Variants in FGGY observed in about 807,000 individuals in gnomAD.
FGGY encodes FGGY carbohydrate kinase domain containing, also known as FGGY carbohydrate kinase domain-containing protein.
FGGY carries 72 observed loss-of-function variants against 71.3 expected under a neutral mutation model. The ratio of observed to expected loss-of-function variants is 1.01; its 90% confidence interval spans 0.84 to 1.23. The LOEUF (loss-of-function observed/expected upper bound fraction) is 1.23, where lower values mean the gene tolerates loss of function less well. Among genes scored for constraint, FGGY ranks in the 50% most tolerant of loss-of-function variants. The pLI is 0.00. For missense variants in FGGY, 668 were observed against 682.3 expected (o/e 0.98, Z 0.23); for synonymous variants, 251 against 250.3 (o/e 1.00, Z -0.02).
At chr1:59,494,956 TAC>T (rs2093986339) in intron 6 of FGGY, among the ~76,000 whole-genome samples, 1 of 152,176 alleles carries the variant, frequency 6.6e-6, no homozygotes, top group Non-Finnish European at 1.5e-5. Flanking sequence ...TGAATGAATT[TAC>T]ATTCACACCA....
At chr1:59,512,069 T>C (rs1276089265) in intron 6 of FGGY, among the ~76,000 whole-genome samples, 2 of 152,216 alleles carry the variant, frequency 1.3e-5, no homozygotes, top group Admixed American at 6.5e-5. Context: ...AATCTTTATC[T>C]GGTTTGAATG....
At chr1:59,659,222 G>C (rs1297126012) in intron 11 of FGGY, among the ~76,000 whole-genome samples, 2 of 152,122 alleles carry the variant, frequency 1.3e-5, no homozygotes, top group East Asian at 3.8e-4. Flanking sequence ...GGGTTCCCAA[G>C]TTTCCTGGTT....
At chr1:59,568,689 C>T (rs142464006) in intron 8 of FGGY, among the ~76,000 whole-genome samples, 3 of 152,242 alleles carry the variant, frequency 2.0e-5, no homozygotes, top group East Asian at 1.9e-4. Flanking sequence ...TCCTCCACCA[C>T]GTTTAATAGA....
intron 10 of FGGY, among the ~76,000 whole-genome samples, chr1:59,635,986 A>G (rs1041920513): frequency 6.6e-5 from 10 of 152,184 alleles, no homozygotes; most frequent in African/African-American, 2.4e-4. Context: ...TACCTCCCCA[A>G]CTGGGCAGTG....
At chr1:59,392,012 G>A (rs2060754196) in intron 5 of FGGY, among the ~76,000 whole-genome samples, 1 of 152,116 alleles carries the variant, frequency 6.6e-6, no homozygotes, top group Non-Finnish European at 1.5e-5. Flanking sequence ...GTTTCATTCT[G>A]AGGGTGAAGC....
chr1:59,699,685 T>C lies in FGGY; in HGVS notation c.1512+25552T>C, dbSNP rs140107061. ...CTGAACTTGGAGTAACATACAGTAT[T>C]CTAGCAGATTTTTAAAGTTATTGAT... is the stretch of plus-strand genomic sequence containing the variant. On this transcript the variant is annotated intron_variant, in intron 14 of 15. Coordinates refer to ENST00000303721, the MANE Select transcript of FGGY (RefSeq NM_018291.5). Among the ~76,000 whole-genome samples, 6 of 152,324 alleles carry C rather than the reference T, an allele frequency of 3.9e-5. No individual in the cohort carries two copies. The East Asian group carries it at 1.2e-3, about 29-fold the overall frequency.
At chr1:59,565,158 T>C (rs1229256334) in intron 8 of FGGY, among the ~76,000 whole-genome samples, 2 of 152,148 alleles carry the variant, frequency 1.3e-5, no homozygotes, top group Non-Finnish European at 2.9e-5. Context: ...TATCATGGTC[T>C]ATTTGGATTT....
At chr1:59,644,901 C>G (rs963095794) in intron 11 of FGGY, among the ~76,000 whole-genome samples, 1 of 151,592 alleles carries the variant, frequency 6.6e-6, no homozygotes, top group African/African-American at 2.4e-5. Flanking sequence ...CGCTTGAACC[C>G]AGGAGGCAGA....
intron 14 of FGGY, among the ~76,000 whole-genome samples, chr1:59,746,809 A>G (rs1212589464): frequency 6.6e-6 from 1 of 152,168 alleles, no homozygotes; most frequent in East Asian, 1.9e-4. Context: ...TTCCATTTTT[A>G]AAATGAGGAA....
At chr1:59,590,416 T>G (rs954433752) in intron 8 of FGGY, among the ~76,000 whole-genome samples, 2 of 151,964 alleles carry the variant, frequency 1.3e-5, no homozygotes, top group Non-Finnish European at 2.9e-5. Flanking sequence ...GAAAAAGAGG[T>G]TATCCTCCCT....
At chr1:59,315,892 A>G (rs1472835373) in intron 1 of FGGY, among the ~76,000 whole-genome samples, 1 of 152,220 alleles carries the variant, frequency 6.6e-6, no homozygotes, top group African/African-American at 2.4e-5. Context: ...AGAACTGAAG[A>G]GGAGGCCTTA....
intron 8 of FGGY, among the ~76,000 whole-genome samples, chr1:59,596,800 T>C (rs574720226): frequency 6.6e-6 from 1 of 152,306 alleles, no homozygotes; most frequent in South Asian, 2.1e-4. Flanking sequence ...CTGGCACATG[T>C]ACCGCCGTGT....
At chr1:59,742,200 A>G (rs924455134) in intron 14 of FGGY, among the ~76,000 whole-genome samples, 3 of 152,176 alleles carry the variant, frequency 2.0e-5, no homozygotes, top group Non-Finnish European at 4.4e-5. Flanking sequence ...CCTCACTACC[A>G]TGATTTTTCT....
intron 15 of FGGY, among the ~76,000 whole-genome samples, chr1:59,761,338 C>G (rs1385443028): frequency 6.6e-6 from 1 of 152,160 alleles, no homozygotes; most frequent in Non-Finnish European, 1.5e-5. Flanking sequence ...GGGACTCCTA[C>G]TAACATAGCT....
intron 5 of FGGY, among the ~76,000 whole-genome samples, chr1:59,411,714 T>C (rs975314243): frequency 8.5e-5 from 13 of 152,246 alleles, no homozygotes; most frequent in South Asian, 2.1e-4. Context: ...ATTCTTATTT[T>C]ATTGTCTGGA....
At chr1:59,627,475 TATATATATATATATACAC>T (rs1260803236) in intron 10 of FGGY, among the ~76,000 whole-genome samples, 46 of 131,036 alleles carry the variant, frequency 3.5e-4, no homozygotes, top group African/African-American at 1.4e-3. Flanking sequence ...TATATATATA[TATATATATATATATACAC>T]ACACACACAC....
intron 7 of FGGY, among the ~76,000 whole-genome samples, chr1:59,535,603 G>T (rs889920400): frequency 5.3e-5 from 8 of 151,726 alleles, no homozygotes; most frequent in Non-Finnish European, 8.8e-5. Flanking sequence ...CTCAGCAAAT[G>T]TAAAAGAACA....
At chr1:59,571,189 A>G (rs999731254) in intron 8 of FGGY, among the ~76,000 whole-genome samples, 12 of 152,234 alleles carry the variant, frequency 7.9e-5, no homozygotes, top group African/African-American at 2.7e-4. Flanking sequence ...AATAATTAAT[A>G]GGATACGATC....
intron 14 of FGGY, chr1:59,699,130 A>G: frequency 1.0e-6 from 1 of 985,392 alleles, no homozygotes; most frequent in Non-Finnish European, 1.2e-6. Context: ...TCTTGATTAT[A>G]AAACAAATTA....
Sources: allele counts gnomAD v4.1 joint callset (sites outside exome capture counted in the v4.1 genomes callset), GRCh38; gene constraint gnomAD v4.1.1; transcripts MANE v1.5; gene names NCBI Gene and HGNC (gene_info 2026-07-23, HGNC 2026-07-21).